CHRNA4: variants seen among roughly 807,000 people sequenced by gnomAD.
CHRNA4 encodes neuronal acetylcholine receptor subunit alpha-4.
A neutral mutation model predicts 48.9 loss-of-function variants in CHRNA4; 28 were observed. The ratio of observed to expected loss-of-function variants is 0.57; its 90% CI spans 0.42 to 0.79. The LOEUF (loss-of-function observed/expected upper bound fraction) is 0.79, where lower values mean the gene tolerates loss of function less well. CHRNA4 is among the 30% of genes least tolerant of loss of function. The pLI, the probability that CHRNA4 is intolerant of heterozygous loss-of-function variation, is 0.00. For missense variants in CHRNA4, 859 were observed against 898.4 expected (o/e 0.96, Z 0.56); for synonymous variants, 425 against 402.3 (o/e 1.06, Z -0.68).
Position 63,349,695 on chromosome 20 carries a change from C to T in CHRNA4, c.1716G>A (p.Gln572=), listed in dbSNP as rs770310263. ...CGGCCTTCAGGTGGTCTGCAATGTA[C>T]TGGACGCCCTCCACCGCCCGGGTCA... is the stretch of plus-strand genomic sequence containing the variant. ...PALTRAVEGV[Q]YIADHLKAED... is the part of the protein sequence containing the mutation. Residue 572 remains glutamine (Q), a synonymous_variant, in exon 5 of 6, where the codon CAG becomes CAA. Transcript: ENST00000370263. 3 of 1,612,876 alleles carry T rather than the reference C, an allele frequency of 1.9e-6. No individual in the cohort carries two copies. Among genetic ancestry groups the T allele is most frequent in the Non-Finnish European group, 2.5e-6 (3 of 1,179,902 alleles).
Position 63,343,306 on chromosome 20 carries a change from C to T in CHRNA4, c.*3432G>A. ...GCTTGGCAGACATTGCCTGCAGAAGCCGGGCGGCCGCACCTGGGCTCGGCG... is the reference window on the plus strand; with the variant it reads ...GCTTGGCAGACATTGCCTGCAGAAGTCGGGCGGCCGCACCTGGGCTCGGCG... On this transcript the variant is annotated 3_prime_UTR_variant, in exon 6 of 6. Coordinates refer to ENST00000370263, the MANE Select transcript of CHRNA4 (RefSeq NM_000744.7). 1 of 446,406 alleles carries T rather than the reference C, an allele frequency of 2.2e-6. No homozygotes were observed. The highest frequency in any genetic ancestry group is 1.6e-5 in the South Asian group (1 of 64,230). 27.7% of individuals were successfully genotyped at this position (446,406 alleles called of 1,614,324 possible).
rs1003901384 is a variant in CHRNA4 at position 63,344,614 on chromosome 20, A to C, written c.*2124T>G. ...GTCACTCCTGACCCAGAAAAGAACA[A>C]CCACAGCTGGGCCCAGCACCCCGGG... On this transcript the variant is annotated 3_prime_UTR_variant, in exon 6 of 6. Coordinates refer to ENST00000370263, the MANE Select transcript of CHRNA4 (RefSeq NM_000744.7). The surrounding 1 kb of genome is among the most constrained non-coding windows in gnomAD (Gnocchi z 4.5). 1 of 453,148 alleles carries C rather than the reference A, an allele frequency of 2.2e-6. No individual in the cohort carries two copies. Among genetic ancestry groups the C allele is most frequent in the African/African-American group, 2.0e-5 (1 of 49,890 alleles). The allele number at this position is 453,148 out of a possible 1,614,324, so 28.1% of individuals were successfully genotyped here.
chr20:63,349,624 C>T lies in CHRNA4; in HGVS notation c.1758+29G>A, dbSNP rs199777405. ...CCGCCGGTTCCGTCTGGGTCAGAGG[C>T]GCCCAACACAGCCATGGGCGGGACT... On this transcript the variant is annotated intron_variant, in intron 5 of 5. Coordinates refer to ENST00000370263, the MANE Select transcript of CHRNA4 (RefSeq NM_000744.7). 3.2e-5 allele frequency: 51 copies of T among 1,612,136 alleles called. No individual in the cohort carries two copies. The African/African-American group carries it at 5.7e-4, about 18-fold the overall frequency.
At chr20:63,353,646 T>C (rs368057438) in intron 4 of CHRNA4, among the ~76,000 whole-genome samples, 104 of 59,976 alleles carry the variant, frequency 1.7e-3, no homozygotes, top group South Asian at 3.7e-3. Context: ...GGAGGGGCTG[T>C]AGTCCTAGGG....
At chr20:63,358,371 C>T (rs1480373989) in intron 2 of CHRNA4, among the ~76,000 whole-genome samples, 1 of 152,214 alleles carries the variant, frequency 6.6e-6, no homozygotes, top group Non-Finnish European at 1.5e-5. Flanking sequence ...TCACAGGCCC[C>T]AGGCCCAGGG....
In CHRNA4 at chr20:63,345,597, C is replaced by T. The variant is rs931478140; in HGVS notation, c.*1141G>A. ...CTGAGCTCTGCCTGCCCTGCCAGGACGGAGGGCATGGGCCTGTGTGGAAAC... is the reference window on the plus strand; with the variant it reads ...CTGAGCTCTGCCTGCCCTGCCAGGATGGAGGGCATGGGCCTGTGTGGAAAC... On this transcript the variant is annotated 3_prime_UTR_variant, in exon 6 of 6. Coordinates refer to ENST00000370263, the MANE Select transcript of CHRNA4 (RefSeq NM_000744.7). The surrounding 1 kb of genome is among the most constrained non-coding windows in gnomAD (Gnocchi z 5.4). 2 of 449,944 alleles carry T rather than the reference C, an allele frequency of 4.4e-6. No individual in the cohort carries two copies. Among genetic ancestry groups the T allele is most frequent in the South Asian group, 1.6e-5 (1 of 64,388 alleles). 27.9% of individuals were successfully genotyped at this position (449,944 alleles called of 1,614,324 possible). A position where few individuals can be genotyped will look rare whatever the true frequency, so the allele number is the denominator to read the frequency against.
intron 2 of CHRNA4, chr20:63,359,336 G>A (rs980119694): frequency 7.6e-6 from 5 of 655,546 alleles, no homozygotes; most frequent in Non-Finnish European, 1.4e-5. Context: ...GGGGAGGAAA[G>A]GGCAGGGCCT....
chr20:63,350,820 G>C lies in CHRNA4; in HGVS notation c.591C>G (p.Arg197=). The change falls in exon 5 of 6, where the codon CGC becomes CGG. Residue 197 remains arginine, a synonymous_variant. Transcript: ENST00000370263. ...AKIDLVNMHS[R]VDQLDFWESG... ...TCTCCCAGAAGTCCAGCTGGTCCAC[G>C]CGGCTGTGCATGTTCACCAGGTCGA... 6.2e-7 allele frequency: 1 copy of C among 1,613,960 alleles called. No individual in the cohort carries two copies. The highest frequency in any genetic ancestry group is 1.6e-4 in the Middle Eastern group (1 of 6,062).
rs1218565498 is a variant in CHRNA4 at position 63,361,294 on chromosome 20, T to C, written c.-129A>G. 3.8e-6 allele frequency: 5 copies of C among 1,327,622 alleles called. No individual in the cohort carries two copies. The highest frequency in any genetic ancestry group is 4.8e-6 in the Non-Finnish European group (5 of 1,041,538). The allele number at this position is 1,327,622 out of a possible 1,614,324, so 82.2% of individuals were successfully genotyped here. On this transcript the variant is annotated 5_prime_UTR_variant, in exon 1 of 6. Coordinates refer to ENST00000370263, the MANE Select transcript of CHRNA4 (RefSeq NM_000744.7). The stretch of plus-strand genomic sequence containing the variant: ...CTTCGGCCGCCGGGCCCGGTTCGTC[T>C]TCTCCTGTGGGGCGCGGTGCGGCGG...
chr20:63,356,559 C>T, intron 2 of CHRNA4, 144 bp from the exon 3 acceptor site: 1 of 856,020 alleles, frequency 1.2e-6, no homozygotes, highest in Non-Finnish European at 1.9e-6. Flanking sequence ...GGTGAGTGCC[C>T]CGTCCCTGGA....
At chr20:63,358,185 T>C (rs1211977411) in intron 2 of CHRNA4, among the ~76,000 whole-genome samples, 4 of 152,122 alleles carry the variant, frequency 2.6e-5, no homozygotes, top group African/African-American at 9.7e-5. Context: ...GAGGTCTGGG[T>C]GGCCAACCCT....
Position 63,350,709 on chromosome 20 carries a change from G to C in CHRNA4, c.702C>G (p.Thr234=), listed in dbSNP as rs748432058. The C allele has an allele frequency of 6.2e-7, 1 of 1,613,970 alleles. No homozygotes were observed. Among genetic ancestry groups the C allele is most frequent in the Non-Finnish European group, 8.5e-7 (1 of 1,180,010 alleles). The change falls in exon 5 of 6, where the codon ACC becomes ACG. Residue 234 remains threonine, a synonymous_variant. Transcript: ENST00000370263. ...GCAGCCGCCGGATGACGAAGGCATA[G>C]GTGATGTCCGGGTAGATCTCGGCAC... ...ECCAEIYPDI[T]YAFVIRRLPL... is the part of the protein sequence containing the mutation.
chr20:63,349,559 G>C (rs937658047), intron 5 of CHRNA4, 94 bp downstream of exon 5: 2 of 1,522,310 alleles, frequency 1.3e-6, no homozygotes, highest in African/African-American at 2.7e-5. Context: ...CCTGAGGCCT[G>C]GGCCCGGCTC....
intron 5 of CHRNA4, among the ~76,000 whole-genome samples, chr20:63,347,516 C>T (rs1408199132): frequency 6.6e-6 from 1 of 152,228 alleles, no homozygotes; most frequent in Non-Finnish European, 1.5e-5. Flanking sequence ...GGGGCTGATG[C>T]AGGGCGGACC....
In CHRNA4 at chr20:63,346,571, T is replaced by C. The variant is rs1231492041; in HGVS notation, c.*167A>G. ...CCACACTCGGTCTCCCCAGAGGCCG[T>C]GTCCCCGTCCAAGGCCGTCTTACAG... On this transcript the variant is annotated 3_prime_UTR_variant, in exon 6 of 6. Transcript: ENST00000370263. The C allele has an allele frequency of 1.0e-6, 1 of 972,688 alleles. No individual in the cohort carries two copies. The highest frequency in any genetic ancestry group is 1.6e-6 in the Non-Finnish European group (1 of 635,924). The allele number at this position is 972,688 out of a possible 1,614,324, so 60.3% of individuals were successfully genotyped here. A position where few individuals can be genotyped will look rare whatever the true frequency, so the allele number is the denominator to read the frequency against.
In CHRNA4 at chr20:63,343,695, C is replaced by T; in HGVS notation, c.*3043G>A. On this transcript the variant is annotated 3_prime_UTR_variant, in exon 6 of 6. Coordinates refer to ENST00000370263, the MANE Select transcript of CHRNA4 (RefSeq NM_000744.7). ...AGGGGCTGGGAAGCCCTGGCCAGGG[C>T]CTTCACTGGGGCCTCCCCTGGGAAG... The T allele has an allele frequency of 2.2e-6, 1 of 445,808 alleles. No homozygotes were observed. The highest frequency in any genetic ancestry group is 4.5e-6 in the Non-Finnish European group (1 of 221,476). 27.6% of individuals were successfully genotyped at this position (445,808 alleles called of 1,614,324 possible). A position where few individuals can be genotyped will look rare whatever the true frequency, so the allele number is the denominator to read the frequency against.
chr20:63,359,753 G>C (rs1235448580), intron 1 of CHRNA4, 54 bp from the exon 2 acceptor site: 1 of 1,591,190 alleles, frequency 6.3e-7, no homozygotes, highest in Non-Finnish European at 8.5e-7. Flanking sequence ...GGAGCCGGGA[G>C]CTGTCCAGGA....
rs561214079 is a variant in CHRNA4 at position 63,350,439 on chromosome 20, C to T, written c.972G>A (p.Thr324=). ...GGTGGTGCACGTTGAGCACGAAGACCGTGATGACGATGGACAGGGTGACGA... is the reference window on the plus strand; with the variant it reads ...GGTGGTGCACGTTGAGCACGAAGACTGTGATGACGATGGACAGGGTGACGA... The part of the protein sequence containing the change: ...MIFVTLSIVI[T]VFVLNVHHRS... Residue 324 remains threonine, a synonymous_variant, in exon 5 of 6, where the codon ACG becomes ACA. Transcript: ENST00000370263. 1.9e-5 allele frequency: 30 copies of T among 1,613,848 alleles called. No homozygotes were observed. Among genetic ancestry groups the T allele is most frequent in the Middle Eastern group, 1.6e-4 (1 of 6,062 alleles).
intron 1 of CHRNA4, chr20:63,360,001 TC>T: frequency 2.5e-6 from 1 of 396,552 alleles, no homozygotes. Context: ...TGTGATTTCC[TC>T]GGGGAAGCTT....
Sources: gnomAD v4.1 joint callset for allele counts (sites outside exome capture counted in the v4.1 genomes callset) on GRCh38, gnomAD v4.1.1 for gene constraint, Gnocchi (gnomAD v3.1) non-coding constraint, MANE v1.5 for transcripts, NCBI Gene and HGNC (gene_info 2026-07-23, HGNC 2026-07-21) for gene names.